The following TAFA2 variants were observed in gnomAD, a reference collection of about 807,000 sequenced individuals.
TAFA2 encodes TAFA chemokine like family member 2, also known as chemokine-like protein TAFA-2.
TAFA2 carries 7 observed loss-of-function variants against 18.8 expected under a neutral mutation model. The observed-to-expected ratio is 0.37, with a 90% CI of 0.21 to 0.70. The LOEUF is 0.70. Ranked by LOEUF, TAFA2 falls within the 30% of genes least tolerant of loss-of-function variation. The pLI is 0.53. For missense variants in TAFA2, 122 were observed against 158.1 expected, an observed-to-expected ratio of 0.77 and a Z score of 1.23; for synonymous variants, 60 against 54.2, an observed-to-expected ratio of 1.11 and a Z score of -0.47.
At chr12:61,841,508 T>C (rs975244947) in intron 2 of TAFA2, among the ~76,000 whole-genome samples, 4 of 152,118 alleles carry the variant, frequency 2.6e-5, no homozygotes, top group East Asian at 3.9e-4. Context: ...TCTATACGTC[T>C]GTTTTTATGC....
At chr12:61,958,975 A>G (rs1878790644) in intron 1 of TAFA2, among the ~76,000 whole-genome samples, 2 of 151,996 alleles carry the variant, frequency 1.3e-5, no homozygotes, top group South Asian at 4.1e-4. Flanking sequence ...CTTTTCCAGA[A>G]TAAATTGCAG....
intron 2 of TAFA2, among the ~76,000 whole-genome samples, chr12:61,831,874 C>T (rs371621232): frequency 2.0e-5 from 3 of 151,966 alleles, no homozygotes; most frequent in Non-Finnish European, 2.9e-5. Flanking sequence ...CGACAGGCCC[C>T]GGTGTGTGAT....
chr12:62,006,886 T>G (rs1018455829), intron 1 of TAFA2, among the ~76,000 whole-genome samples: 2 of 150,542 alleles, frequency 1.3e-5, no homozygotes, highest in African/African-American at 4.9e-5. Flanking sequence ...ATTACAAGTG[T>G]GTGCTTCAGA....
In TAFA2 at chr12:61,990,370, C is replaced by T. The variant is rs577179273; in HGVS notation, c.-1-122944G>A. Among the ~76,000 whole-genome samples, 242 of 106,452 alleles carry T rather than the reference C, an allele frequency of 2.3e-3. 2 individuals are homozygous for T. The Admixed American group carries it at 0.027, about 12-fold the overall frequency. 69.8% of individuals were successfully genotyped at this position (106,452 alleles called of 152,430 possible). A position where few individuals can be genotyped will look rare whatever the true frequency, so the allele number is the denominator to read the frequency against. Reference sequence around the variant, plus strand: ...TTTTTTTTTTTTTGAGGCAGAGTCTCGCTCTTTTGCCCAGGCTGGAGTGCA... The same window carrying T: ...TTTTTTTTTTTTTGAGGCAGAGTCTTGCTCTTTTGCCCAGGCTGGAGTGCA... On this transcript the variant is annotated intron_variant, in intron 1 of 4. Transcript: ENST00000416284.
chr12:61,776,055 T>G (rs956573713), intron 2 of TAFA2: 2 of 419,770 alleles, frequency 4.8e-6, no homozygotes, highest in African/African-American at 4.2e-5. Context: ...CATAAGGGAA[T>G]GGGTACTGTA....
intron 2 of TAFA2, among the ~76,000 whole-genome samples, chr12:61,779,979 C>G (rs1446464661): frequency 6.6e-6 from 1 of 151,722 alleles, no homozygotes; most frequent in Non-Finnish European, 1.5e-5. Context: ...AACTTTCTAA[C>G]CAGAAGTGTA....
chr12:62,250,829 C>T (rs547699428), intron 1 of TAFA2, among the ~76,000 whole-genome samples: 1 of 152,154 alleles, frequency 6.6e-6, no homozygotes, highest in African/African-American at 2.4e-5. Context: ...CATAGTTAGG[C>T]TTGTCTCTTG....
chr12:62,038,692 G>T (rs1227636176), intron 1 of TAFA2, among the ~76,000 whole-genome samples: 1 of 151,874 alleles, frequency 6.6e-6, no homozygotes, highest in Non-Finnish European at 1.5e-5. Context: ...CATACAAAAA[G>T]AAAGGGAAAA....
chr12:61,728,998 A>T lies in TAFA2; in HGVS notation c.385-18581T>A, dbSNP rs1000378622. 2.0e-5 allele frequency among the ~76,000 whole-genome samples: 3 copies of T among 151,770 alleles called. No homozygotes were observed. The Admixed American group carries it at 2.0e-4, about 10-fold the overall frequency. Reference sequence around the variant, plus strand: ...ATGCTTTATCTTTCCTTCATTTATGAAGCTTAGTTTCACTGAATACAAAAT... The same window carrying T: ...ATGCTTTATCTTTCCTTCATTTATGTAGCTTAGTTTCACTGAATACAAAAT... On this transcript the variant is annotated intron_variant, in intron 4 of 4. Coordinates refer to ENST00000416284, the MANE Select transcript of TAFA2 (RefSeq NM_178539.5).
chr12:61,800,914 A>T (rs76751258), intron 2 of TAFA2, among the ~76,000 whole-genome samples: 6,979 of 152,246 alleles, frequency 0.046, 509 homozygotes, highest in African/African-American at 0.16. Flanking sequence ...GGCAAAGAGA[A>T]AAAAGATAAT....
intron 4 of TAFA2, among the ~76,000 whole-genome samples, chr12:61,722,977 C>T (rs1869975619): frequency 6.6e-6 from 1 of 152,032 alleles, no homozygotes; most frequent in Non-Finnish European, 1.5e-5. Context: ...GATTAGACCC[C>T]AAACACCCAG....
intron 4 of TAFA2, among the ~76,000 whole-genome samples, chr12:61,751,301 C>T (rs2120747000): frequency 6.6e-6 from 1 of 152,172 alleles, no homozygotes; most frequent in East Asian, 1.9e-4. Flanking sequence ...GTGGGCCAAA[C>T]TAAATTGCAC....
At chr12:61,992,456 T>C (rs1009835661) in intron 1 of TAFA2, among the ~76,000 whole-genome samples, 3 of 152,136 alleles carry the variant, frequency 2.0e-5, no homozygotes, top group African/African-American at 7.2e-5. Flanking sequence ...TAAACCCTCT[T>C]TGCCTCTCAC....
chr12:62,251,273 A>G (rs2062912447), intron 1 of TAFA2, among the ~76,000 whole-genome samples: 1 of 152,136 alleles, frequency 6.6e-6, no homozygotes, highest in African/African-American at 2.4e-5. Context: ...TAAACTTGTG[A>G]ATTTGGATGA....
chr12:61,861,757 T>C (rs61942621), intron 2 of TAFA2, among the ~76,000 whole-genome samples: 42,904 of 152,190 alleles, frequency 0.28, 6,601 homozygotes, highest in South Asian at 0.4. Context: ...GTTATTACCG[T>C]ACTGTATACA....
At chr12:61,861,769 A>G (rs1874140305) in intron 2 of TAFA2, among the ~76,000 whole-genome samples, 1 of 152,248 alleles carries the variant, frequency 6.6e-6, no homozygotes, top group African/African-American at 2.4e-5. Context: ...CTGTATACAC[A>G]TAATGAAACA....
At chr12:62,200,926 G>C (rs10877811) in intron 1 of TAFA2, among the ~76,000 whole-genome samples, 25,080 of 152,086 alleles carry the variant, frequency 0.16, 2,220 homozygotes, top group African/African-American at 0.24. Flanking sequence ...CCTGAGCAGT[G>C]GTTCGTAGTT....
chr12:61,976,024 G>C (rs1020895205), intron 1 of TAFA2, among the ~76,000 whole-genome samples: 1 of 151,474 alleles, frequency 6.6e-6, no homozygotes, highest in African/African-American at 2.4e-5. Context: ...GTTTTTATTT[G>C]TCCATCATAC....
chr12:61,891,953 G>A (rs554625346), intron 1 of TAFA2, among the ~76,000 whole-genome samples: 6 of 151,762 alleles, frequency 4.0e-5, no homozygotes, highest in Admixed American at 2.6e-4. Flanking sequence ...TCTGATTTAC[G>A]TTTTTTAAAG....
Sources: gnomAD v4.1 joint callset for allele counts (sites outside exome capture counted in the v4.1 genomes callset) on GRCh38, gnomAD v4.1.1 for gene constraint, MANE v1.5 for transcripts, NCBI Gene and HGNC (gene_info 2026-07-23, HGNC 2026-07-21) for gene names.